FBXW2: variants seen among roughly 807,000 people sequenced by gnomAD.
FBXW2 encodes F-box/WD repeat-containing protein 2.
Under a neutral mutation model 46.0 loss-of-function variants are expected in FBXW2, and 12 were observed. That is an observed-to-expected ratio of 0.26 (90% CI 0.17 to 0.42). The LOEUF (loss-of-function observed/expected upper bound fraction) is 0.42. Ranked by LOEUF, FBXW2 falls within the 10% of genes least tolerant of loss-of-function variation. The probability of loss-of-function intolerance (pLI) is 1.00; values close to 1 mark genes in which losing one functional copy is unlikely to be tolerated. For synonymous variants in FBXW2, 203 were observed against 209.6 expected (o/e 0.97, Z 0.27); for missense variants, 360 against 537.0 (o/e 0.67, Z 3.26).
intron 7 of FBXW2, among the ~76,000 whole-genome samples, chr9:120,765,787 G>T (rs548281415): frequency 6.6e-6 from 1 of 152,138 alleles, no homozygotes; most frequent in East Asian, 1.9e-4. Flanking sequence ...TTCATAAAAA[G>T]TTATTATGAA....
chr9:120,775,979 G>T, intron 5 of FBXW2, 114 bp downstream of exon 5: 1 of 1,266,952 alleles, frequency 7.9e-7, no homozygotes, highest in Non-Finnish European at 1.1e-6. Context: ...TGCTTTGTAG[G>T]TACAGCAATT....
At chr9:120,767,266 A>G (rs886768778) in intron 7 of FBXW2, among the ~76,000 whole-genome samples, 7 of 152,226 alleles carry the variant, frequency 4.6e-5, no homozygotes, top group Admixed American at 2.0e-4. Flanking sequence ...AACTAAGAAA[A>G]TAGTTAACAG....
At chr9:120,789,380 A>T (rs1038484923) in intron 2 of FBXW2, among the ~76,000 whole-genome samples, 3 of 152,240 alleles carry the variant, frequency 2.0e-5, no homozygotes, top group Non-Finnish European at 2.9e-5. Context: ...AATTTTTTTT[A>T]AAGTATCCTG....
At chr9:120,770,507 T>C (rs2044356840) in intron 7 of FBXW2, among the ~76,000 whole-genome samples, 1 of 152,150 alleles carries the variant, frequency 6.6e-6, no homozygotes, top group Non-Finnish European at 1.5e-5. Flanking sequence ...TGAAGTACAG[T>C]AGGTTCAACA....
chr9:120,782,078 G>GCT (rs1482342706), intron 3 of FBXW2, among the ~76,000 whole-genome samples: 2 of 151,296 alleles, frequency 1.3e-5, no homozygotes, highest in African/African-American at 4.9e-5. Flanking sequence ...GAAGAACCTT[G>GCT]AAGACATCAT....
At chr9:120,770,023 A>G (rs1423835906) in intron 7 of FBXW2, among the ~76,000 whole-genome samples, 1 of 152,068 alleles carries the variant, frequency 6.6e-6, no homozygotes, top group African/African-American at 2.4e-5. Context: ...GTGGCCCACC[A>G]AAGTTTTGTG....
intron 2 of FBXW2, among the ~76,000 whole-genome samples, chr9:120,792,702 T>C (rs1198270691): frequency 6.6e-6 from 1 of 152,212 alleles, no homozygotes; most frequent in Non-Finnish European, 1.5e-5. Context: ...TTTCCTCACT[T>C]GTAAAATACA....
At chr9:120,792,878 C>T (rs891375313) in intron 2 of FBXW2, 1 of 1,513,344 alleles carries the variant, frequency 6.6e-7, no homozygotes, top group South Asian at 1.2e-5. Context: ...CAGCACCCCA[C>T]ATACACACCT....
At chr9:120,768,715 G>A (rs1005800808) in intron 7 of FBXW2, among the ~76,000 whole-genome samples, 4 of 151,952 alleles carry the variant, frequency 2.6e-5, no homozygotes, top group Non-Finnish European at 4.4e-5. Flanking sequence ...CCAGCTACTC[G>A]GGAGGCTGAG....
At chr9:120,787,563 T>A (rs1276888339) in intron 3 of FBXW2, among the ~76,000 whole-genome samples, 1 of 152,180 alleles carries the variant, frequency 6.6e-6, no homozygotes, top group Admixed American at 6.5e-5. Flanking sequence ...GAAGTGTTTT[T>A]CTCATAAAAT....
At position 120,788,391 on chromosome 9, in the gene FBXW2, T is replaced by C. The variant is rs1029857924; in HGVS notation, c.-20-113A>G. The C allele has an allele frequency of 2.3e-5, 22 of 939,062 alleles. No individual in the cohort carries two copies. In the African/African-American group the frequency reaches 3.5e-4, roughly 15 times the overall value. 58.2% of individuals were successfully genotyped at this position (939,062 alleles called of 1,614,324 possible). On this transcript the variant is annotated intron_variant, in intron 2 of 7. Transcript: ENST00000608872. ...TAAAAAATCTGCCATTACAACTTTA[T>C]GCGTAGTTACATTACAACTTTACAG...
chr9:120,759,379 T>G lies in FBXW2; in HGVS notation c.*5180A>C, dbSNP rs994530547. The G allele has an allele frequency of 2.6e-5, 4 of 152,226 alleles. No individual in the cohort carries two copies. The highest frequency in any genetic ancestry group is 9.6e-5 in the African/African-American group (4 of 41,466). 9.4% of individuals were successfully genotyped at this position (152,226 alleles called of 1,614,324 possible). On this transcript the variant is annotated 3_prime_UTR_variant, in exon 8 of 8. Coordinates refer to ENST00000608872, the MANE Select transcript of FBXW2 (RefSeq NM_012164.4). ...GATGCAAGAAAATAACTTCTCATCTTAGAGACATCTTGTTCCACAATCACC... is the reference window on the plus strand; with the variant it reads ...GATGCAAGAAAATAACTTCTCATCTGAGAGACATCTTGTTCCACAATCACC...
intron 7 of FBXW2, 80 bp from the exon 8 acceptor site, chr9:120,764,927 T>G (rs2044248329): frequency 2.6e-6 from 3 of 1,161,752 alleles, no homozygotes; most frequent in African/African-American, 1.5e-5. Flanking sequence ...TCTGGAGATA[T>G]TTAAAACCAA....
rs1316315430 is a variant in FBXW2, at chr9:120,761,764, A to C, written c.*2795T>G. 3 of 152,086 alleles carry C rather than the reference A, an allele frequency of 2.0e-5. No homozygotes were observed. Among genetic ancestry groups the C allele is most frequent in the Non-Finnish European group, 4.4e-5 (3 of 68,014 alleles). The allele number at this position is 152,086 out of a possible 1,614,324, so 9.4% of individuals were successfully genotyped here. On this transcript the variant is annotated 3_prime_UTR_variant, in exon 8 of 8. Coordinates refer to ENST00000608872, the MANE Select transcript of FBXW2 (RefSeq NM_012164.4). Reference sequence around the variant, plus strand: ...TCTGCTGTCAAAATCCAGCTGCATGATGATGCCACTGTACTCCAGCCTGTA... The same window carrying C: ...TCTGCTGTCAAAATCCAGCTGCATGCTGATGCCACTGTACTCCAGCCTGTA...
At chr9:120,792,737 TTTTA>T in intron 2 of FBXW2, 1 of 516,844 alleles carries the variant, frequency 1.9e-6, no homozygotes, top group Non-Finnish European at 3.1e-6. Context: ...CTACAAGGGT[TTTTA>T]TGAGGGTTAA....
chr9:120,764,585 G>A lies in FBXW2; in HGVS notation c.1339C>T (p.Leu447=). The A allele has an allele frequency of 1.2e-6, 2 of 1,614,162 alleles. No homozygotes were observed. The highest frequency in any genetic ancestry group is 1.7e-6 in the Non-Finnish European group (2 of 1,179,994). The change falls in exon 8 of 8, where the codon CTG becomes TTG. Residue 447 remains leucine (L), a synonymous_variant. Coordinates refer to ENST00000608872, the MANE Select transcript of FBXW2 (RefSeq NM_012164.4). ...ATSMPDHSIH[L]VLWKEHG is the part of the protein sequence containing the mutation. ...CAGCCGTGCTCCTTCCACAACACCAGGTGAATACTGTGGTCAGGCATGCTG... is the reference window on the plus strand; with the variant it reads ...CAGCCGTGCTCCTTCCACAACACCAAGTGAATACTGTGGTCAGGCATGCTG...
chr9:120,769,429 T>C (rs1359404639), intron 7 of FBXW2, among the ~76,000 whole-genome samples: 5 of 152,246 alleles, frequency 3.3e-5, no homozygotes, highest in Non-Finnish European at 2.9e-5. Context: ...TCTAGGACTC[T>C]AGAGTCTCTA....
At position 120,762,199 on chromosome 9, in the gene FBXW2, G is replaced by T. The variant is rs1394688798; in HGVS notation, c.*2360C>A. On this transcript the variant is annotated 3_prime_UTR_variant, in exon 8 of 8. Coordinates refer to ENST00000608872, the MANE Select transcript of FBXW2 (RefSeq NM_012164.4). ...TACTAAAAATATAAAAATTAGTTGG[G>T]TGTCATGGCAGATGCTTGTAATCCC... The T allele has an allele frequency of 6.6e-6, 1 of 152,166 alleles. No individual in the cohort carries two copies. Among genetic ancestry groups the T allele is most frequent in the Non-Finnish European group, 1.5e-5 (1 of 68,048 alleles). The allele number at this position is 152,166 out of a possible 1,614,324, so 9.4% of individuals were successfully genotyped here. A position where few individuals can be genotyped will look rare whatever the true frequency, so the allele number is the denominator to read the frequency against.
intron 3 of FBXW2, among the ~76,000 whole-genome samples, chr9:120,781,677 T>C (rs866993011): frequency 5.0e-5 from 6 of 119,458 alleles, no homozygotes; most frequent in Middle Eastern, 8.6e-3. Flanking sequence ...CACACACACA[T>C]ACACACACAC....
Sources: gnomAD v4.1 joint callset for allele counts (sites outside exome capture counted in the v4.1 genomes callset) on GRCh38, gnomAD v4.1.1 for gene constraint, MANE v1.5 for transcripts, NCBI Gene and HGNC (gene_info 2026-07-23, HGNC 2026-07-21) for gene names.